BABAM2: variants seen among roughly 807,000 people sequenced by gnomAD.
The protein encoded by BABAM2 is BRISC and BRCA1 A complex member 2, also known as BRISC and BRCA1-A complex member 2.
In BABAM2, 31 loss-of-function variants were observed where a neutral mutation model predicts 54.7. The ratio of observed to expected loss-of-function variants is 0.57; its 90% CI spans 0.43 to 0.77. The LOEUF is 0.77. Ranked by LOEUF, BABAM2 falls within the 30% of genes least tolerant of loss-of-function variation. The pLI is 0.00. For synonymous variants in BABAM2, 167 were observed against 162.9 expected (o/e 1.03, Z -0.19); for missense variants, 364 against 455.8 (o/e 0.80, Z 1.83).
chr2:28,323,364 A>G (rs1026900680), intron 11 of BABAM2, among the ~76,000 whole-genome samples: 2 of 151,996 alleles, frequency 1.3e-5, no homozygotes, highest in African/African-American at 4.8e-5. Flanking sequence ...ATGCTTGTGA[A>G]GGCTCTTGCC....
At chr2:28,143,339 G>A (rs1459295087) in intron 7 of BABAM2, among the ~76,000 whole-genome samples, 1 of 152,034 alleles carries the variant, frequency 6.6e-6, no homozygotes, top group Admixed American at 6.6e-5. Flanking sequence ...GGTTACCAGG[G>A]GTGGGGAAGA....
At chr2:28,237,088 C>T in intron 7 of BABAM2, 114 bp from the exon 8 acceptor site, 1 of 750,624 alleles carries the variant, frequency 1.3e-6, no homozygotes, top group Non-Finnish European at 2.4e-6. Context: ...TCATCATTAA[C>T]CTAGGCAGTT....
intron 6 of BABAM2, among the ~76,000 whole-genome samples, chr2:28,053,594 G>C (rs1331548982): frequency 1.3e-5 from 2 of 152,196 alleles, no homozygotes; most frequent in Non-Finnish European, 2.9e-5. Context: ...GAGATGGTCT[G>C]AACACTTACA....
chr2:28,210,483 T>G (rs1679347719), intron 7 of BABAM2, among the ~76,000 whole-genome samples: 2 of 152,150 alleles, frequency 1.3e-5, no homozygotes, highest in African/African-American at 4.8e-5. Flanking sequence ...AGCTAAGTAT[T>G]AAAGAAGGCC....
At chr2:28,174,047 T>A (rs1167520621) in intron 7 of BABAM2, among the ~76,000 whole-genome samples, 1 of 152,156 alleles carries the variant, frequency 6.6e-6, no homozygotes, top group Non-Finnish European at 1.5e-5. Context: ...TATTGAGGGA[T>A]GAGATCCCTT....
rs1476017107 is a variant in BABAM2, at chr2:28,115,157, A to G, written c.571-14114A>G. Among the ~76,000 whole-genome samples, 3 of 150,802 alleles carry G rather than the reference A, an allele frequency of 2.0e-5. No individual in the cohort carries two copies. The Admixed American group carries it at 2.0e-4, about 10-fold the overall frequency. ...CTTAAGGAACCCAATCAGATAAATG[A>G]TAACACATATGTAAATAACTTTAAA... On this transcript the variant is annotated intron_variant, in intron 6 of 11. Transcript: ENST00000379624.
At chr2:28,305,106 A>G (rs1688412889) in intron 11 of BABAM2, among the ~76,000 whole-genome samples, 1 of 152,230 alleles carries the variant, frequency 6.6e-6, no homozygotes, top group Non-Finnish European at 1.5e-5. Context: ...AATTTTTTAC[A>G]TAAGTGATAA....
intron 2 of BABAM2, chr2:27,896,047 T>A (rs904807777): frequency 6.6e-6 from 1 of 152,126 alleles, no homozygotes; most frequent in Non-Finnish European, 1.5e-5. Context: ...TTACTAGAAA[T>A]GTTGCCTTTT....
At chr2:28,009,139 G>T (rs1306735151) in intron 4 of BABAM2, among the ~76,000 whole-genome samples, 2 of 152,090 alleles carry the variant, frequency 1.3e-5, no homozygotes, top group African/African-American at 4.8e-5. Context: ...TCTGGGTTTT[G>T]CCTGCTATGT....
chr2:28,006,762 A>G (rs1674004652), intron 4 of BABAM2, among the ~76,000 whole-genome samples: 1 of 152,052 alleles, frequency 6.6e-6, no homozygotes, highest in Admixed American at 6.5e-5. Flanking sequence ...GGATTAAGGA[A>G]TTATATATTG....
At chr2:28,332,776 A>C (rs751186335) in intron 11 of BABAM2, among the ~76,000 whole-genome samples, 1 of 152,198 alleles carries the variant, frequency 6.6e-6, no homozygotes, top group Non-Finnish European at 1.5e-5. Flanking sequence ...GAAGACACGC[A>C]AGGGCTGGAG....
At chr2:28,176,596 A>AAAAAAAAAAAAAAAAAAAG (rs1248054622) in intron 7 of BABAM2, among the ~76,000 whole-genome samples, 1 of 145,934 alleles carries the variant, frequency 6.9e-6, no homozygotes, top group Non-Finnish European at 1.5e-5. Context: ...AAAAAAAAAA[A>AAAAAAAAAAAAAAAAAAAG]CCTCACTGAG....
At chr2:28,169,775 C>CA (rs200601294) in intron 7 of BABAM2, among the ~76,000 whole-genome samples, 265 of 100,774 alleles carry the variant, frequency 2.6e-3, no homozygotes, top group Middle Eastern at 0.01. Flanking sequence ...GACTCTGTCT[C>CA]AAAAAAAAAA....
chr2:28,054,910 G>T (rs920175210), intron 6 of BABAM2, among the ~76,000 whole-genome samples: 1 of 152,218 alleles, frequency 6.6e-6, no homozygotes, highest in Non-Finnish European at 1.5e-5. Context: ...GTGCAGAATA[G>T]AAATGGTTTT....
rs1558683880 is a variant in BABAM2 at position 28,045,679 on chromosome 2, A to AT, written c.496-45dup. Reference sequence around the variant, plus strand: ...CCTTGGCTATAATTGTCACTTCATAATCTATTTTTGATTTTAATCTTATTA... The same window carrying AT: ...CCTTGGCTATAATTGTCACTTCATAATTCTATTTTTGATTTTAATCTTATTA... On this transcript the variant is annotated intron_variant, in intron 5 of 11. Transcript: ENST00000379624. 13 of 1,511,136 alleles carry AT rather than the reference A, an allele frequency of 8.6e-6. No homozygotes were observed. In the South Asian group the frequency reaches 1.4e-4, roughly 17 times the overall value. 93.6% of individuals were successfully genotyped at this position (1,511,136 alleles called of 1,614,324 possible). A position where few individuals can be genotyped will look rare whatever the true frequency, so the allele number is the denominator to read the frequency against.
intron 3 of BABAM2, among the ~76,000 whole-genome samples, chr2:27,982,435 A>T (rs1672073574): frequency 1.3e-5 from 2 of 152,156 alleles, no homozygotes; most frequent in South Asian, 2.1e-4. Flanking sequence ...AGTTATAAAG[A>T]TTTATTCTTA....
intron 11 of BABAM2, among the ~76,000 whole-genome samples, chr2:28,319,980 G>T (rs984648070): frequency 6.6e-6 from 1 of 152,204 alleles, no homozygotes; most frequent in South Asian, 2.1e-4. Flanking sequence ...ACCCACCCTC[G>T]GCAGGGAGTG....
At chr2:28,309,824 A>G (rs1397825243) in intron 11 of BABAM2, 1 of 439,144 alleles carries the variant, frequency 2.3e-6, no homozygotes, top group African/African-American at 2.0e-5. Flanking sequence ...CCAGGCCAAC[A>G]TAGCTCGGGT....
At chr2:28,232,190 A>C (rs1038408444) in intron 7 of BABAM2, among the ~76,000 whole-genome samples, 2 of 152,150 alleles carry the variant, frequency 1.3e-5, no homozygotes, top group African/African-American at 4.8e-5. Context: ...TAGAAGCAAG[A>C]ATTATGATTG....
Sources: allele counts gnomAD v4.1 joint callset (sites outside exome capture counted in the v4.1 genomes callset), GRCh38; gene constraint gnomAD v4.1.1; transcripts MANE v1.5; gene names NCBI Gene and HGNC (gene_info 2026-07-23, HGNC 2026-07-21).